Variants in PEMT observed in about 807,000 individuals in gnomAD.
PEMT encodes phosphatidylethanolamine N-methyltransferase.
Under a neutral mutation model 27.4 loss-of-function variants are expected in PEMT, and 23 were observed. The ratio of observed to expected loss-of-function variants is 0.84; its 90% CI spans 0.60 to 1.19. PEMT has a LOEUF of 1.19. Ranked by LOEUF, PEMT falls within the 50% of genes most tolerant of loss-of-function variation. PEMT has a pLI of 0.00. For synonymous variants in PEMT, 137 were observed against 139.1 expected (o/e 0.98, Z 0.11); for missense variants, 307 against 310.1 (o/e 0.99, Z 0.07).
At chr17:17,531,479 T>C (rs1908085026) in intron 2 of PEMT, among the ~76,000 whole-genome samples, 1 of 151,852 alleles carries the variant, frequency 6.6e-6, no homozygotes, top group Non-Finnish European at 1.5e-5. Flanking sequence ...AAACTTAGAA[T>C]ACTCAAGACA....
chr17:17,511,637 G>C (rs1466367950), intron 4 of PEMT, among the ~76,000 whole-genome samples: 1 of 152,256 alleles, frequency 6.6e-6, no homozygotes, highest in Non-Finnish European at 1.5e-5. Flanking sequence ...GCACTGGCCA[G>C]GGCTGATGGG....
At chr17:17,548,300 C>T (rs1454837223) in intron 2 of PEMT, among the ~76,000 whole-genome samples, 1 of 152,254 alleles carries the variant, frequency 6.6e-6, no homozygotes, top group Non-Finnish European at 1.5e-5. Flanking sequence ...CCGTGCTGCC[C>T]CTGAGGGCTG....
intron 2 of PEMT, among the ~76,000 whole-genome samples, chr17:17,540,662 C>T (rs908469509): frequency 1.3e-5 from 2 of 152,166 alleles, no homozygotes; most frequent in African/African-American, 2.4e-5. Context: ...CCCCATGCTG[C>T]CCCTCTCCAA....
At chr17:17,521,825 C>T (rs550661975) in intron 3 of PEMT, among the ~76,000 whole-genome samples, 29 of 152,152 alleles carry the variant, frequency 1.9e-4, no homozygotes, top group Non-Finnish European at 2.6e-4. Context: ...CCTCGGCCTC[C>T]CAAAGTGCTA....
chr17:17,574,762 G>T (rs1344828148), intron 2 of PEMT, among the ~76,000 whole-genome samples: 2 of 152,200 alleles, frequency 1.3e-5, no homozygotes, highest in Non-Finnish European at 2.9e-5. Context: ...AGCGTCCTCA[G>T]GACCTGCTAT....
At chr17:17,584,950 C>A (rs1017703918) in intron 1 of PEMT, among the ~76,000 whole-genome samples, 2 of 152,158 alleles carry the variant, frequency 1.3e-5, no homozygotes, top group South Asian at 4.1e-4. Flanking sequence ...CAGTGCCTGG[C>A]GGGGGGCATG....
intron 2 of PEMT, among the ~76,000 whole-genome samples, chr17:17,524,246 C>T (rs763963370): frequency 1.7e-4 from 26 of 152,274 alleles, no homozygotes; most frequent in South Asian, 8.3e-4. Context: ...TAGGAACAAT[C>T]GTGCCCAAGT....
rs145387614 is a variant in PEMT, at chr17:17,553,814, C to A, written c.204+23106G>T. Among the ~76,000 whole-genome samples the A allele has an allele frequency of 2.0e-5, 3 of 152,252 alleles. No homozygotes were observed. The South Asian group carries it at 6.2e-4, about 31-fold the overall frequency. The stretch of plus-strand genomic sequence containing the variant: ...TCTAGAAACTTCTCTGGACAACTCT[C>A]CTCAGTTCCCTACTATGTCCTCTGC... On this transcript the variant is annotated intron_variant, in intron 2 of 6. Transcript: ENST00000255389.
chr17:17,508,709 CTCTGACCCG>C (rs1159772449), intron 5 of PEMT: 1 of 452,544 alleles, frequency 2.2e-6, no homozygotes, highest in Non-Finnish European at 4.6e-6. Context: ...ACCGCAGGTC[CTCTGACCCG>C]CCGGGGGAGC....
chr17:17,548,828 A>G (rs953013354), intron 2 of PEMT, among the ~76,000 whole-genome samples: 7 of 152,138 alleles, frequency 4.6e-5, no homozygotes, highest in African/African-American at 1.7e-4. Context: ...TACAGGCGTG[A>G]GCCGCCGAGT....
rs570825987 is a variant in PEMT at position 17,523,970 on chromosome 17, G to T, written c.205-1575C>A. Among the ~76,000 whole-genome samples, 33 of 152,064 alleles carry T rather than the reference G, an allele frequency of 2.2e-4. No individual in the cohort carries two copies. Among genetic ancestry groups the T allele is most frequent in the Non-Finnish European group, 4.1e-4 (28 of 68,002 alleles). Reference sequence around the variant, plus strand: ...ACCACTCATCGCTTTCCGTTGCTATGGATTCACCTATTCTGGACGTTTCAT... The same window carrying T: ...ACCACTCATCGCTTTCCGTTGCTATTGATTCACCTATTCTGGACGTTTCAT... On this transcript the variant is annotated intron_variant, in intron 2 of 6. Transcript: ENST00000255389. This position sits in a 1 kb window ranked among gnomAD's most constrained non-coding sequence, Gnocchi z 4.8.
At chr17:17,575,971 C>T (rs1911557813) in intron 2 of PEMT, among the ~76,000 whole-genome samples, 1 of 152,206 alleles carries the variant, frequency 6.6e-6, no homozygotes, top group Non-Finnish European at 1.5e-5. Flanking sequence ...TAAATGAAAA[C>T]TGTCTGGAAC....
At chr17:17,572,489 C>T (rs1911276504) in intron 2 of PEMT, among the ~76,000 whole-genome samples, 1 of 152,214 alleles carries the variant, frequency 6.6e-6, no homozygotes, top group South Asian at 2.1e-4. Flanking sequence ...AGGACTTTTG[C>T]ACTTGTGTTT....
chr17:17,570,737 T>C, intron 2 of PEMT: 1 of 985,210 alleles, frequency 1.0e-6, no homozygotes, highest in Non-Finnish European at 1.2e-6. Context: ...CCTGGGGACC[T>C]CTGAGCATGG....
chr17:17,551,926 G>T (rs1157243081), intron 2 of PEMT, among the ~76,000 whole-genome samples: 1 of 152,210 alleles, frequency 6.6e-6, no homozygotes, highest in African/African-American at 2.4e-5. Context: ...CTGAAGGCTG[G>T]GCGCATTGGC....
chr17:17,512,612 C>T lies in PEMT; in HGVS notation c.363G>A (p.Leu121=), dbSNP rs1465381146. The change falls in exon 4 of 7, where the codon CTG becomes CTA. Residue 121 remains leucine, a synonymous_variant. Coordinates refer to ENST00000255389, the MANE Select transcript of PEMT (RefSeq NM_148172.3). This position sits in a 1 kb window ranked among gnomAD's most constrained non-coding sequence, Gnocchi z 6.3. ...AMLSQPRMES[L]DTPAAYSLGL... is the part of the protein sequence containing the mutation. ...CCAGGCTGTAGGCCGCGGGGGTGTC[C>T]AGGCTCTCCATCCTGGGCTGGCTCA... The T allele has an allele frequency of 1.3e-6, 2 of 1,595,430 alleles. No individual in the cohort carries two copies. Among genetic ancestry groups the T allele is most frequent in the Non-Finnish European group, 1.7e-6 (2 of 1,169,732 alleles).
intron 2 of PEMT, among the ~76,000 whole-genome samples, chr17:17,532,430 GCAATTA>G (rs1246029342): frequency 6.6e-6 from 1 of 152,130 alleles, no homozygotes; most frequent in East Asian, 1.9e-4. Context: ...ATTTACTATA[GCAATTA>G]AAGGAGTAAA....
intron 2 of PEMT, among the ~76,000 whole-genome samples, chr17:17,534,302 C>A (rs1012775216): frequency 3.3e-5 from 5 of 152,200 alleles, no homozygotes; most frequent in Non-Finnish European, 5.9e-5. Flanking sequence ...CATCCATCAC[C>A]CACAAAATAA....
intron 1 of PEMT, among the ~76,000 whole-genome samples, chr17:17,579,298 G>A (rs765385570): frequency 2.6e-5 from 4 of 152,186 alleles, no homozygotes; most frequent in South Asian, 2.1e-4. Flanking sequence ...TCCTTCCCAC[G>A]TGTGGCCTCC....
Sources: allele counts gnomAD v4.1 joint callset (sites outside exome capture counted in the v4.1 genomes callset), GRCh38; gene constraint gnomAD v4.1.1; non-coding constraint Gnocchi (gnomAD v3.1); transcripts MANE v1.5; gene names NCBI Gene and HGNC (gene_info 2026-07-23, HGNC 2026-07-21).